TRIM16: variants seen among roughly 807,000 people sequenced by gnomAD.
TRIM16 encodes tripartite motif-containing protein 16.
Under a neutral mutation model 50.4 loss-of-function variants are expected in TRIM16, and 33 were observed. That is an observed-to-expected ratio of 0.65 (90% CI 0.50 to 0.88). The LOEUF (loss-of-function observed/expected upper bound fraction) is 0.88. TRIM16 is among the 40% of genes least tolerant of loss of function. The pLI is 0.00. For synonymous variants in TRIM16, 229 were observed against 270.7 expected (o/e 0.85, Z 1.51); for missense variants, 581 against 686.8 (o/e 0.85, Z 1.72).
chr17:15,658,567 T>C (rs910465807), intron 6 of TRIM16, among the ~76,000 whole-genome samples: 10 of 152,252 alleles, frequency 6.6e-5, no homozygotes, highest in African/African-American at 9.6e-5. Context: ...GATTGATTTA[T>C]GGGACTGTAC....
chr17:15,677,988 T>C (rs1262956320), intron 4 of TRIM16, among the ~76,000 whole-genome samples: 5 of 152,088 alleles, frequency 3.3e-5, no homozygotes, highest in Middle Eastern at 3.4e-3. Context: ...GAGGCCGAGG[T>C]GGGCAGATCA....
intron 6 of TRIM16, among the ~76,000 whole-genome samples, chr17:15,668,502 G>A (rs1307408028): frequency 5.3e-5 from 8 of 152,120 alleles, no homozygotes; most frequent in Admixed American, 2.6e-4. Flanking sequence ...AAAATGGCCC[G>A]TGGGGTCTTG....
rs1987724351 is a variant in TRIM16, at chr17:15,651,808, G to A, written c.-199C>T. The A allele has an allele frequency of 2.1e-6, 3 of 1,456,738 alleles. No individual in the cohort carries two copies. The African/African-American group carries it at 4.3e-5, about 21-fold the overall frequency. The allele number at this position is 1,456,738 out of a possible 1,614,324, so 90.2% of individuals were successfully genotyped here. ...GGCAGCCAGATGCGATGACGACAAG[G>A]CAGCTAGAGTACTCAGGCTCAGGAC... On this transcript the variant is annotated 5_prime_UTR_variant, in exon 7 of 12. Coordinates refer to ENST00000649191, the MANE Select transcript of TRIM16 (RefSeq NM_001348119.1).
intron 7 of TRIM16, among the ~76,000 whole-genome samples, chr17:15,650,581 A>AC: frequency 2.0e-5 from 3 of 150,770 alleles, no homozygotes; most frequent in Admixed American, 6.6e-5. Context: ...AAGCTCTTAG[A>AC]TTTCCTGTTA....
intron 8 of TRIM16, among the ~76,000 whole-genome samples, chr17:15,637,620 T>TCG (rs1567672041): frequency 1.3e-3 from 37 of 28,492 alleles, no homozygotes; most frequent in African/African-American, 7.2e-3. Context: ...GGGAGGGAGG[T>TCG]GGGGGGGGGT....
chr17:15,674,863 C>G (rs929343257), intron 6 of TRIM16, among the ~76,000 whole-genome samples: 2 of 152,120 alleles, frequency 1.3e-5, no homozygotes, highest in African/African-American at 2.4e-5. Context: ...GTAAAGCAAA[C>G]AAAAGCTGCC....
chr17:15,672,993 T>C (rs978871683), intron 6 of TRIM16, among the ~76,000 whole-genome samples: 2 of 152,210 alleles, frequency 1.3e-5, no homozygotes, highest in African/African-American at 4.8e-5. Flanking sequence ...ATTCATGCAA[T>C]CCACCCATTC....
At chr17:15,677,861 T>A in intron 4 of TRIM16, 140 bp from the exon 5 acceptor site, 1 of 678,132 alleles carries the variant, frequency 1.5e-6, no homozygotes, top group Non-Finnish European at 1.8e-6. Flanking sequence ...AAAATGTGTA[T>A]ACCCCTCTGA....
At chr17:15,665,787 T>C (rs1044511275) in intron 6 of TRIM16, among the ~76,000 whole-genome samples, 4 of 151,844 alleles carry the variant, frequency 2.6e-5, no homozygotes, top group African/African-American at 9.7e-5. Flanking sequence ...TGTTTATGGC[T>C]CACAAACTGA....
intron 6 of TRIM16, among the ~76,000 whole-genome samples, chr17:15,656,115 TCAC>T (rs373566498): frequency 4.8e-4 from 73 of 152,104 alleles, no homozygotes; most frequent in African/African-American, 1.7e-3. Flanking sequence ...ACCACAAAAT[TCAC>T]CACAACTTCT....
chr17:15,636,381 C>T, intron 8 of TRIM16, 112 bp from the exon 9 acceptor site: 3 of 1,094,528 alleles, frequency 2.7e-6, no homozygotes, highest in Non-Finnish European at 4.0e-6. Context: ...TATTAGGGAG[C>T]AGTTCCCTAT....
chr17:15,655,722 C>T (rs1159364308), intron 6 of TRIM16, among the ~76,000 whole-genome samples: 1 of 152,104 alleles, frequency 6.6e-6, no homozygotes, highest in African/African-American at 2.4e-5. Flanking sequence ...CTACACGCAC[C>T]CACCACCATG....
rs750249948 is a variant in TRIM16, at chr17:15,629,008, C to T, written c.1302G>A (p.Glu434=). Residue 434 remains glutamate (E), a synonymous_variant, in exon 12 of 12, where the codon GAG becomes GAA. Coordinates refer to ENST00000649191, the MANE Select transcript of TRIM16 (RefSeq NM_001348119.1). ...CAACATAGGTGCCTGCCCCGAAGAT[C>T]TCCACCTCAAAATAGTACCTGTGCA... is the stretch of plus-strand genomic sequence containing the variant. ...LYLHRYYFEV[E]IFGAGTYVGL... 10 of 1,614,082 alleles carry T rather than the reference C, an allele frequency of 6.2e-6. No individual in the cohort carries two copies. The Admixed American group carries it at 1.3e-4, about 22-fold the overall frequency.
intron 6 of TRIM16, among the ~76,000 whole-genome samples, chr17:15,667,440 C>T (rs556943375): frequency 1.8e-4 from 28 of 152,286 alleles, no homozygotes; most frequent in African/African-American, 6.5e-4. Flanking sequence ...GAGTACATGA[C>T]TTTATAACAT....
intron 6 of TRIM16, chr17:15,658,805 G>A (rs2150925381): frequency 2.0e-6 from 2 of 985,414 alleles, no homozygotes; most frequent in South Asian, 4.7e-5. Context: ...GGCTTACCTG[G>A]AGGTGCAGGC....
chr17:15,658,981 C>T (rs117887711), intron 6 of TRIM16: 6,681 of 575,026 alleles, frequency 0.012, 54 homozygotes, highest in South Asian at 0.02. Context: ...CACTAAGGGC[C>T]GTTGCTCCTA....
At chr17:15,665,613 G>C (rs1467386348) in intron 6 of TRIM16, among the ~76,000 whole-genome samples, 1 of 152,142 alleles carries the variant, frequency 6.6e-6, no homozygotes, top group African/African-American at 2.4e-5. Flanking sequence ...TCTCCTGGCT[G>C]CCCACATCTC....
At chr17:15,656,658 C>T (rs1987995579) in intron 6 of TRIM16, among the ~76,000 whole-genome samples, 1 of 152,162 alleles carries the variant, frequency 6.6e-6, no homozygotes, top group South Asian at 2.1e-4. Context: ...GAAGATTTAA[C>T]GCTTCTGGCT....
In TRIM16 at chr17:15,639,611, T is replaced by C. The variant is rs182502136; in HGVS notation, c.615+3110A>G. 5.4e-5 allele frequency among the ~76,000 whole-genome samples: 8 copies of C among 149,422 alleles called. 1 individual carries two copies. Among genetic ancestry groups the C allele is most frequent in the African/African-American group, 2.0e-4 (8 of 40,434 alleles). On this transcript the variant is annotated intron_variant, in intron 8 of 11. Coordinates refer to ENST00000649191, the MANE Select transcript of TRIM16 (RefSeq NM_001348119.1). Reference sequence around the variant, plus strand: ...TTTTGTGGCTCCCTCCGGAGCCCTGTTGTCCAGAGCTGGCCCTCACCCTTG... The same window carrying C: ...TTTTGTGGCTCCCTCCGGAGCCCTGCTGTCCAGAGCTGGCCCTCACCCTTG...
Sources: gnomAD v4.1 joint callset for allele counts (sites outside exome capture counted in the v4.1 genomes callset) on GRCh38, gnomAD v4.1.1 for gene constraint, MANE v1.5 for transcripts, NCBI Gene and HGNC (gene_info 2026-07-23, HGNC 2026-07-21) for gene names.